Variants in CERS4 observed in about 807,000 individuals in gnomAD.
CERS4 encodes LAG1 homolog, ceramide synthase 4.
Under a neutral mutation model 51.8 loss-of-function variants are expected in CERS4, and 65 were observed. The observed-to-expected ratio is 1.26, with a 90% CI of 1.03 to 1.54. The LOEUF is 1.54. CERS4 is among the 40% of genes most tolerant of loss of function. The pLI, the probability that CERS4 is intolerant of heterozygous loss-of-function variation, is 0.00. For synonymous variants in CERS4, 228 were observed against 208.4 expected (o/e 1.09, Z -0.81); for missense variants, 563 against 500.4 (o/e 1.13, Z -1.19).
At chr19:8,220,151 G>A (rs1451050706) in intron 2 of CERS4, among the ~76,000 whole-genome samples, 1 of 150,370 alleles carries the variant, frequency 6.7e-6, no homozygotes, top group African/African-American at 2.5e-5. Context: ...CCCCTCGGCT[G>A]TGTGTCCCCT....
At chr19:8,258,849 A>T (rs944743007) in intron 10 of CERS4, among the ~76,000 whole-genome samples, 2 of 151,086 alleles carry the variant, frequency 1.3e-5, no homozygotes, top group Non-Finnish European at 3.0e-5. Context: ...CTTAAATCAA[A>T]TTGGCCAGGT....
intron 2 of CERS4, chr19:8,239,406 AAAAAAG>A (rs1194787271): frequency 1.9e-4 from 19 of 97,436 alleles, no homozygotes; most frequent in Admixed American, 6.3e-4. Context: ...TCTCAAAAAA[AAAAAAG>A]AAAAAGAAAA....
chr19:8,253,319 C>T (rs908426303), intron 3 of CERS4, among the ~76,000 whole-genome samples: 2 of 152,168 alleles, frequency 1.3e-5, no homozygotes, highest in Non-Finnish European at 2.9e-5. Context: ...GGGGGTCAGA[C>T]CAGGACCCAG....
At position 8,262,410 on chromosome 19, in the gene CERS4, A is replaced by G; in HGVS notation, c.*301A>G. The G allele has an allele frequency of 3.2e-6, 1 of 316,454 alleles. No homozygotes were observed. The highest frequency in any genetic ancestry group is 5.8e-6 in the Non-Finnish European group (1 of 173,506). 19.6% of individuals were successfully genotyped at this position (316,454 alleles called of 1,614,324 possible). ...GGCTGAAAAGGGTCCAATTAAAACAAATGGAGCCAAATTTTCTGCCTGAGA... is the reference window on the plus strand; with the variant it reads ...GGCTGAAAAGGGTCCAATTAAAACAGATGGAGCCAAATTTTCTGCCTGAGA... On this transcript the variant is annotated 3_prime_UTR_variant, in exon 12 of 12. Coordinates refer to ENST00000251363, the MANE Select transcript of CERS4 (RefSeq NM_024552.3).
intron 2 of CERS4, among the ~76,000 whole-genome samples, chr19:8,215,017 A>C: frequency 1.1e-5 from 1 of 89,406 alleles, no homozygotes; most frequent in Admixed American, 1.1e-4. Flanking sequence ...GGAGGAGAAA[A>C]AGGAAGAGGA....
intron 3 of CERS4, among the ~76,000 whole-genome samples, chr19:8,253,716 G>A (rs2913985): frequency 0.024 from 3,706 of 151,678 alleles, 165 homozygotes; most frequent in African/African-American, 0.086. Context: ...TCAACCTCCC[G>A]AGTAGCTGGG....
At chr19:8,232,723 C>CTTT (rs71165298) in intron 2 of CERS4, among the ~76,000 whole-genome samples, 1 of 138,540 alleles carries the variant, frequency 7.2e-6, no homozygotes, top group Non-Finnish European at 1.6e-5. Context: ...TTATTTAAAC[C>CTTT]TTTTTTTTTT....
chr19:8,257,884 T>G lies in CERS4; in HGVS notation c.747T>G (p.Cys249Trp). 3 of 1,613,596 alleles carry G rather than the reference T, an allele frequency of 1.9e-6. No individual in the cohort carries two copies. The highest frequency in any genetic ancestry group is 2.5e-6 in the Non-Finnish European group (3 of 1,179,792). Residue 249 changes from cysteine (C) to tryptophan (W), a missense_variant, in exon 10 of 12, where the codon TGT becomes TGG. Coordinates refer to ENST00000251363, the MANE Select transcript of CERS4 (RefSeq NM_024552.3). Reference protein sequence around the residue: ...HDSSDYLLEACKMVNYMQYQQ... With the variant: ...HDSSDYLLEAWKMVNYMQYQQ... ...CTCCCTGCTGCCCTTTCCAGGCCTG[T>G]AAGATGGTCAACTACATGCAGTATC...
At chr19:8,240,088 G>T (rs1015874250) in intron 2 of CERS4, among the ~76,000 whole-genome samples, 1 of 152,124 alleles carries the variant, frequency 6.6e-6, no homozygotes, top group African/African-American at 2.4e-5. Flanking sequence ...CATTTGAGCT[G>T]AAATAAGAAT....
At chr19:8,251,559 C>A (rs1396419606) in intron 3 of CERS4, among the ~76,000 whole-genome samples, 1 of 152,210 alleles carries the variant, frequency 6.6e-6, no homozygotes, top group Non-Finnish European at 1.5e-5. Flanking sequence ...CGCCTGTAAT[C>A]CCAGCACTTT....
At position 8,255,805 on chromosome 19, in the gene CERS4, T is replaced by C. The variant is rs1196984349; in HGVS notation, c.411-17T>C. On this transcript the variant is annotated splice_polypyrimidine_tract_variant and intron_variant, in intron 5 of 11. Transcript: ENST00000251363. ...GGCGGGTGTCTGCTATTTTCACAGCTCCCTCCCCATCCACAGCTGGAGGTT... is the reference window on the plus strand; with the variant it reads ...GGCGGGTGTCTGCTATTTTCACAGCCCCCTCCCCATCCACAGCTGGAGGTT... 6.2e-7 allele frequency: 1 copy of C among 1,613,428 alleles called. No individual in the cohort carries two copies. Among genetic ancestry groups the C allele is most frequent in the Non-Finnish European group, 8.5e-7 (1 of 1,179,894 alleles).
At chr19:8,256,435 G>A (rs1039558626) in intron 7 of CERS4, 149 bp downstream of exon 7, 2 of 959,810 alleles carry the variant, frequency 2.1e-6, no homozygotes, top group Admixed American at 3.4e-5. Context: ...AATAGAGAGG[G>A]GCCAGAAAAC....
In CERS4 at chr19:8,242,637, CAG is replaced by C. The variant is rs548924789; in HGVS notation, c.-1-8435_-1-8434del. On this transcript the variant is annotated intron_variant, in intron 2 of 11. Transcript: ENST00000251363. ...GAAGGATGCATAGGAGTTTGCCAAA[CAG>C]AGAAAGAAAGCGTTTAAGCTCTTCA... 2.0e-3 allele frequency among the ~76,000 whole-genome samples: 303 copies of C among 152,276 alleles called. 1 individual carries two copies. Among genetic ancestry groups the C allele is most frequent in the African/African-American group, 6.8e-3 (284 of 41,564 alleles).
intron 2 of CERS4, among the ~76,000 whole-genome samples, chr19:8,223,924 C>T (rs796621322): frequency 2.0e-5 from 3 of 150,648 alleles, no homozygotes; most frequent in African/African-American, 7.3e-5. Context: ...CATGGTAAAA[C>T]CCCGTCTCTA....
intron 2 of CERS4, among the ~76,000 whole-genome samples, chr19:8,222,789 T>G (rs1399177834): frequency 6.6e-6 from 1 of 152,148 alleles, no homozygotes; most frequent in African/African-American, 2.4e-5. Context: ...TCAGCCACTG[T>G]GCCTGGCCAG....
At chr19:8,246,351 G>T (rs1439561252) in intron 2 of CERS4, among the ~76,000 whole-genome samples, 6 of 151,990 alleles carry the variant, frequency 3.9e-5, no homozygotes, top group South Asian at 2.1e-4. Context: ...TGAGCCAGGG[G>T]TTTGAGACCA....
At chr19:8,221,551 A>ATT (rs111753909) in intron 2 of CERS4, among the ~76,000 whole-genome samples, 2 of 142,658 alleles carry the variant, frequency 1.4e-5, no homozygotes, top group Non-Finnish European at 3.1e-5. Flanking sequence ...TTTTTTTCTT[A>ATT]TTTTTTTTTT....
intron 6 of CERS4, 119 bp downstream of exon 6, chr19:8,255,998 G>A (rs1969360150): frequency 6.0e-6 from 7 of 1,172,436 alleles, no homozygotes; most frequent in Admixed American, 2.0e-5. Flanking sequence ...TGAGGAGAGA[G>A]CGAGCTTTGC....
At chr19:8,217,314 G>A (rs763179094) in intron 2 of CERS4, among the ~76,000 whole-genome samples, 4 of 152,060 alleles carry the variant, frequency 2.6e-5, no homozygotes, top group Non-Finnish European at 5.9e-5. Flanking sequence ...TTACAAGGCA[G>A]ATTAACCAGG....
Sources: gnomAD v4.1 joint callset for allele counts (sites outside exome capture counted in the v4.1 genomes callset) on GRCh38, gnomAD v4.1.1 for gene constraint, MANE v1.5 for transcripts, NCBI Gene and HGNC (gene_info 2026-07-23, HGNC 2026-07-21) for gene names.